The following BCAS4 variants were observed in gnomAD, a reference collection of about 807,000 sequenced individuals.
BCAS4 encodes the protein breast carcinoma-amplified sequence 4.
Under a neutral mutation model 15.7 loss-of-function variants are expected in BCAS4, and 9 were observed. The observed-to-expected ratio is 0.57, with a 90% CI of 0.34 to 1.00. BCAS4 has a LOEUF of 1.00. Among genes scored for constraint, BCAS4 ranks in the 50% least tolerant of loss-of-function variants. The pLI is 0.02. For synonymous variants in BCAS4, 101 were observed against 99.5 expected (o/e 1.02, Z -0.09); for missense variants, 225 against 239.1 (o/e 0.94, Z 0.39).
chr20:50,852,008 G>A (rs948771160), intron 4 of BCAS4, among the ~76,000 whole-genome samples: 6 of 152,244 alleles, frequency 3.9e-5, no homozygotes, highest in Admixed American at 3.9e-4. Flanking sequence ...TTCTGATGCT[G>A]CTGGAGTGTT....
chr20:50,873,923 G>A lies in BCAS4; in HGVS notation c.400-2563G>A, dbSNP rs138486525. Among the ~76,000 whole-genome samples, 354 of 152,296 alleles carry A rather than the reference G, an allele frequency of 2.3e-3. 3 individuals are homozygous for A. The highest frequency in any genetic ancestry group is 8.1e-3 in the South Asian group (39 of 4,826). On this transcript the variant is annotated intron_variant, in intron 4 of 4. Transcript: ENST00000371608. ...GCAGGCTGGTATGAGATCCCTAGAT[G>A]TCAGAGCATGTTTTAGCTTATTTAA...
chr20:50,864,624 G>A (rs6020804), intron 4 of BCAS4, among the ~76,000 whole-genome samples: 20,683 of 151,016 alleles, frequency 0.14, 1,760 homozygotes, highest in African/African-American at 0.24. Flanking sequence ...TGTATTTTTA[G>A]TAGAGACAGG....
intron 1 of BCAS4, among the ~76,000 whole-genome samples, chr20:50,797,935 G>A (rs1302126634): frequency 6.6e-6 from 1 of 152,006 alleles, no homozygotes; most frequent in Non-Finnish European, 1.5e-5. Context: ...AAAGTGCTGG[G>A]ATTACAGGTG....
At chr20:50,875,343 C>T (rs62205182) in intron 4 of BCAS4, among the ~76,000 whole-genome samples, 49,510 of 152,082 alleles carry the variant, frequency 0.33, 8,224 homozygotes, top group East Asian at 0.4. Flanking sequence ...TCCCCTTCTC[C>T]GCCTCCCTCC....
intron 2 of BCAS4, among the ~76,000 whole-genome samples, chr20:50,823,945 C>T (rs776583983): frequency 4.6e-5 from 7 of 151,956 alleles, no homozygotes; most frequent in Non-Finnish European, 1.0e-4. Flanking sequence ...TCACTTACAC[C>T]CAGTTAAAGA....
chr20:50,842,950 C>A (rs530158122), intron 4 of BCAS4, among the ~76,000 whole-genome samples: 1 of 152,262 alleles, frequency 6.6e-6, no homozygotes, highest in Admixed American at 6.5e-5. Context: ...TTTATCACAG[C>A]AGCCCATTTA....
At chr20:50,843,260 T>C (rs1312152162) in intron 4 of BCAS4, among the ~76,000 whole-genome samples, 1 of 152,178 alleles carries the variant, frequency 6.6e-6, no homozygotes, top group Non-Finnish European at 1.5e-5. Context: ...CCTGGCCTTA[T>C]TGAGTGCTTA....
chr20:50,860,290 A>G (rs562636443), intron 4 of BCAS4, among the ~76,000 whole-genome samples: 16 of 152,300 alleles, frequency 1.1e-4, no homozygotes, highest in African/African-American at 3.4e-4. Flanking sequence ...ACTCATTTGC[A>G]TATGGCATAA....
At chr20:50,837,056 G>A (rs548365327) in intron 3 of BCAS4, among the ~76,000 whole-genome samples, 4 of 152,260 alleles carry the variant, frequency 2.6e-5, no homozygotes, top group East Asian at 1.9e-4. Context: ...GGGACTATGA[G>A]TGCTTTACAC....
At chr20:50,845,941 G>C (rs1246863521) in intron 4 of BCAS4, among the ~76,000 whole-genome samples, 1 of 152,228 alleles carries the variant, frequency 6.6e-6, no homozygotes, top group South Asian at 2.1e-4. Flanking sequence ...CTGTGGCCTG[G>C]GCTGGCCCGA....
intron 4 of BCAS4, among the ~76,000 whole-genome samples, chr20:50,843,147 G>T (rs1292854657): frequency 6.6e-6 from 1 of 152,048 alleles, no homozygotes; most frequent in African/African-American, 2.4e-5. Context: ...TGTAGAGACA[G>T]AGGCTCGCTT....
intron 1 of BCAS4, among the ~76,000 whole-genome samples, chr20:50,805,702 C>T (rs1252715885): frequency 1.3e-5 from 2 of 152,022 alleles, no homozygotes; most frequent in Non-Finnish European, 2.9e-5. Flanking sequence ...CTGGCCAAAG[C>T]GGTGGTTCAT....
At chr20:50,847,439 C>G (rs1302962400) in intron 4 of BCAS4, among the ~76,000 whole-genome samples, 1 of 152,188 alleles carries the variant, frequency 6.6e-6, no homozygotes, top group Non-Finnish European at 1.5e-5. Context: ...AGACTCAACA[C>G]TTAGTGCTCA....
At chr20:50,856,050 C>A (rs1017301674) in intron 4 of BCAS4, among the ~76,000 whole-genome samples, 4 of 152,152 alleles carry the variant, frequency 2.6e-5, no homozygotes, top group African/African-American at 9.7e-5. Flanking sequence ...CGCAGCACAG[C>A]CCACGACAGG....
chr20:50,830,322 T>G lies in BCAS4; in HGVS notation c.206T>G (p.Val69Gly), dbSNP rs1447399502. 6.2e-7 allele frequency: 1 copy of G among 1,613,934 alleles called. No homozygotes were observed. The highest frequency in any genetic ancestry group is 8.5e-7 in the Non-Finnish European group (1 of 1,179,980). ...TSQILEENIPVLKAKLTEMRG... is the reference protein window; with the variant it reads ...TSQILEENIPGLKAKLTEMRG... ...CAGATCCTGGAGGAAAACATCCCAG[T>G]CCTTAAGGCCAAACTGACAGAAATG... The change falls in exon 3 of 5, where the codon GTC becomes GGC. Residue 69 changes from valine to glycine, a missense_variant. Coordinates refer to ENST00000371608, the MANE Select transcript of BCAS4 (RefSeq NM_198799.4).
intron 3 of BCAS4, among the ~76,000 whole-genome samples, chr20:50,839,727 A>G (rs2088453624): frequency 6.6e-6 from 1 of 152,210 alleles, no homozygotes; most frequent in Non-Finnish European, 1.5e-5. Context: ...GCTGGTCTCA[A>G]ACTCCTGGCC....
intron 2 of BCAS4, among the ~76,000 whole-genome samples, chr20:50,823,035 CA>C (rs1173331192): frequency 6.6e-6 from 1 of 152,034 alleles, no homozygotes; most frequent in Non-Finnish European, 1.5e-5. Flanking sequence ...AATTCACACA[CA>C]AATGTTCATA....
chr20:50,874,197 C>T (rs1979802727), intron 4 of BCAS4, among the ~76,000 whole-genome samples: 2 of 152,162 alleles, frequency 1.3e-5, no homozygotes, highest in African/African-American at 4.8e-5. Flanking sequence ...GGATCAAGGT[C>T]ATAGCTTGGC....
At chr20:50,842,172 C>G (rs1479524116) in intron 4 of BCAS4, among the ~76,000 whole-genome samples, 1 of 152,164 alleles carries the variant, frequency 6.6e-6, no homozygotes, top group Non-Finnish European at 1.5e-5. Context: ...AGAAACAGCT[C>G]CCGCCCTCCT....
Sources: allele counts gnomAD v4.1 joint callset (sites outside exome capture counted in the v4.1 genomes callset), GRCh38; gene constraint gnomAD v4.1.1; transcripts MANE v1.5; gene names NCBI Gene and HGNC (gene_info 2026-07-23, HGNC 2026-07-21).